The following CDH4 variants were observed in gnomAD, a reference collection of about 807,000 sequenced individuals.
CDH4 encodes the protein cadherin 4.
In CDH4, 33 loss-of-function variants were observed where a neutral mutation model predicts 86.0. That is an observed-to-expected ratio of 0.38 (90% CI 0.29 to 0.51). CDH4 has a LOEUF of 0.51. Ranked by LOEUF, CDH4 falls within the 20% of genes least tolerant of loss-of-function variation. CDH4 has a pLI of 0.86. For synonymous variants in CDH4, 555 were observed against 549.4 expected (o/e 1.01, Z -0.14); for missense variants, 1,114 against 1,307.4 (o/e 0.85, Z 2.28).
At chr20:61,758,579 C>A (rs898051776) in intron 3 of CDH4, among the ~76,000 whole-genome samples, 10 of 152,174 alleles carry the variant, frequency 6.6e-5, no homozygotes, top group East Asian at 5.8e-4. Flanking sequence ...TGTCTCTGAT[C>A]CGTCTGCAAA....
chr20:61,559,555 CTG>C (rs1015278049), intron 2 of CDH4, among the ~76,000 whole-genome samples: 3 of 122,994 alleles, frequency 2.4e-5, no homozygotes, highest in African/African-American at 6.6e-5. Context: ...GAGTCTCACT[CTG>C]TGTGTGGCCC....
At chr20:61,414,445 C>T (rs375880914) in intron 2 of CDH4, among the ~76,000 whole-genome samples, 30 of 152,208 alleles carry the variant, frequency 2.0e-4, no homozygotes, top group Non-Finnish European at 2.9e-4. Flanking sequence ...GAGAGCCCTG[C>T]GTGGAGGCCA....
At chr20:61,763,214 C>T (rs1328186218) in intron 3 of CDH4, among the ~76,000 whole-genome samples, 2 of 152,184 alleles carry the variant, frequency 1.3e-5, no homozygotes, top group South Asian at 2.1e-4. Flanking sequence ...ATGTTTTTGC[C>T]ATCTCTTGAG....
intron 2 of CDH4, among the ~76,000 whole-genome samples, chr20:61,266,329 T>C (rs763349488): frequency 3.3e-5 from 5 of 152,048 alleles, no homozygotes; most frequent in Non-Finnish European, 7.4e-5. Flanking sequence ...GGGGAGGACC[T>C]AGCTCTCTTT....
At chr20:61,782,003 T>C (rs567657922) in intron 4 of CDH4, among the ~76,000 whole-genome samples, 2 of 152,106 alleles carry the variant, frequency 1.3e-5, no homozygotes, top group African/African-American at 2.4e-5. Flanking sequence ...CCAGAAAAAA[T>C]ATCCTTCAAA....
chr20:61,873,986 T>A (rs1983915435), intron 7 of CDH4, 86 bp downstream of exon 7: 3 of 1,445,854 alleles, frequency 2.1e-6, no homozygotes, highest in African/African-American at 2.8e-5. Flanking sequence ...GCCTCTCCAG[T>A]GGCGCCGTCG....
chr20:61,331,833 C>T (rs1015116685), intron 2 of CDH4, among the ~76,000 whole-genome samples: 1 of 152,070 alleles, frequency 6.6e-6, no homozygotes, highest in Admixed American at 6.5e-5. Context: ...TCTGTCTCTT[C>T]CCCTGGACCG....
At chr20:61,266,856 A>G (rs1363379256) in intron 2 of CDH4, among the ~76,000 whole-genome samples, 3 of 152,156 alleles carry the variant, frequency 2.0e-5, no homozygotes, top group Admixed American at 6.5e-5. Context: ...ATGTAACATT[A>G]TTTGGAGAAA....
intron 2 of CDH4, among the ~76,000 whole-genome samples, chr20:61,513,713 TCCCA>T (rs1206695538): frequency 6.6e-6 from 1 of 152,166 alleles, no homozygotes; most frequent in African/African-American, 2.4e-5. Flanking sequence ...ACAACCTGTG[TCCCA>T]AGGAAGCTGT....
chr20:61,685,867 G>A (rs867458086), intron 2 of CDH4, among the ~76,000 whole-genome samples: 4 of 152,200 alleles, frequency 2.6e-5, no homozygotes, highest in Non-Finnish European at 5.9e-5. Flanking sequence ...GGGATAGTCC[G>A]GGCTGTGGGA....
At chr20:61,490,357 G>A (rs776677827) in intron 2 of CDH4, among the ~76,000 whole-genome samples, 3 of 152,166 alleles carry the variant, frequency 2.0e-5, no homozygotes, top group Non-Finnish European at 4.4e-5. Flanking sequence ...AGCAGTGCAA[G>A]TCCACTTATA....
At chr20:61,540,935 A>G (rs1317184511) in intron 2 of CDH4, among the ~76,000 whole-genome samples, 2 of 152,124 alleles carry the variant, frequency 1.3e-5, no homozygotes, top group African/African-American at 4.8e-5. Context: ...CGACCCCATA[A>G]GCTGTTCAAG....
intron 2 of CDH4, among the ~76,000 whole-genome samples, chr20:61,397,904 T>C (rs867094770): frequency 6.9e-6 from 1 of 144,164 alleles, no homozygotes; most frequent in Admixed American, 6.8e-5. Flanking sequence ...GCAGCTGCTA[T>C]TTTTTTTTAG....
chr20:61,479,879 G>T lies in CDH4; in HGVS notation c.169+224942G>T, dbSNP rs906109231. On this transcript the variant is annotated intron_variant, in intron 2 of 15. Coordinates refer to ENST00000614565, the MANE Select transcript of CDH4 (RefSeq NM_001794.5). ...TAGCTCGCTGATTCTGGCCATTTCT[G>T]TTTTTGATAATTATGTTTTCTCCGG... is the stretch of plus-strand genomic sequence containing the variant. Among the ~76,000 whole-genome samples the T allele has an allele frequency of 4.6e-5, 7 of 152,234 alleles. No individual in the cohort carries two copies. In the East Asian group the frequency reaches 1.4e-3, roughly 29 times the overall value.
At chr20:61,784,481 C>A (rs112159222) in intron 4 of CDH4, among the ~76,000 whole-genome samples, 35 of 66,890 alleles carry the variant, frequency 5.2e-4, no homozygotes, top group African/African-American at 2.1e-3. Context: ...CAAGGCCCTC[C>A]GATATCCTGT....
intron 2 of CDH4, among the ~76,000 whole-genome samples, chr20:61,631,179 C>T (rs1394275702): frequency 6.6e-6 from 1 of 152,254 alleles, no homozygotes; most frequent in Non-Finnish European, 1.5e-5. Flanking sequence ...GACAGCGTGG[C>T]TCCCCTGGAG....
At chr20:61,620,233 GACAGACATAGATGGGTAGATAGAT>G (rs1568716938) in intron 2 of CDH4, among the ~76,000 whole-genome samples, 2 of 150,372 alleles carry the variant, frequency 1.3e-5, no homozygotes, top group African/African-American at 2.4e-5. Flanking sequence ...TAGGCAGACA[GACAGACATAGATGGGTAGATAGAT>G]GATGGATGGG....
At chr20:61,672,733 T>C (rs1266912159) in intron 2 of CDH4, among the ~76,000 whole-genome samples, 1 of 151,986 alleles carries the variant, frequency 6.6e-6, no homozygotes, top group Non-Finnish European at 1.5e-5. Context: ...GAGACTGGAA[T>C]CTTCACTGGG....
Position 61,919,622 on chromosome 20 carries a change from A to G in CDH4, c.1375-3829A>G, listed in dbSNP as rs188215235. Among the ~76,000 whole-genome samples, 591 of 152,398 alleles carry G rather than the reference A, an allele frequency of 3.9e-3. 5 individuals are homozygous for G. The highest frequency in any genetic ancestry group is 4.2e-3 in the Non-Finnish European group (284 of 68,034). On this transcript the variant is annotated intron_variant, in intron 9 of 15. Coordinates refer to ENST00000614565, the MANE Select transcript of CDH4 (RefSeq NM_001794.5). ...GAAAGCTGATTGATTCCTCCAGCAG[A>G]TAAGTTCCTCTCTAAGTGGAAATGT...
Sources: gnomAD v4.1 joint callset for allele counts (sites outside exome capture counted in the v4.1 genomes callset) on GRCh38, gnomAD v4.1.1 for gene constraint, MANE v1.5 for transcripts, NCBI Gene and HGNC (gene_info 2026-07-23, HGNC 2026-07-21) for gene names.